Variants in PSG3 observed in about 807,000 individuals in gnomAD.
PSG3 encodes pregnancy-specific beta-1-glycoprotein 3.
A neutral mutation model predicts 47.5 loss-of-function variants in PSG3; 61 were observed. That is an observed-to-expected ratio of 1.28 (90% CI 1.05 to 1.59). The LOEUF (loss-of-function observed/expected upper bound fraction) is 1.59, where lower values mean the gene tolerates loss of function less well. PSG3 is among the 40% of genes most tolerant of loss of function. The probability of loss-of-function intolerance (pLI) is 0.00; values close to 1 mark genes in which losing one functional copy is unlikely to be tolerated. For missense variants in PSG3, 756 were observed against 524.0 expected, an observed-to-expected ratio of 1.44 and a Z score of -4.32; for synonymous variants, 263 against 198.4, an observed-to-expected ratio of 1.33 and a Z score of -2.74.
intron 3 of PSG3, among the ~76,000 whole-genome samples, chr19:42,730,912 G>A (rs547444912): frequency 1.3e-5 from 2 of 152,234 alleles, no homozygotes; most frequent in Non-Finnish European, 2.9e-5. Flanking sequence ...GGAATGAACT[G>A]CTGGAAATCT....
At chr19:42,739,822 CTT>C (rs1172051396) in intron 1 of PSG3, among the ~76,000 whole-genome samples, 4 of 152,330 alleles carry the variant, frequency 2.6e-5, no homozygotes, top group East Asian at 3.9e-4. Context: ...AAACAGAACA[CTT>C]AAGATTTTCC....
intron 1 of PSG3, chr19:42,739,318 G>A (rs1969627066): frequency 1.3e-6 from 1 of 761,778 alleles, no homozygotes; most frequent in African/African-American, 1.8e-5. Context: ...CAACACTTCT[G>A]ACCTTGGCAT....
intron 2 of PSG3, among the ~76,000 whole-genome samples, chr19:42,736,966 G>C (rs1434965509): frequency 6.6e-6 from 1 of 152,102 alleles, no homozygotes; most frequent in East Asian, 1.9e-4. Context: ...AAGACCTAGG[G>C]GTGGGGGAAG....
Position 42,740,473 on chromosome 19 carries a change from C to T in PSG3, c.-89G>A, listed in dbSNP as rs190199145. On this transcript the variant is annotated 5_prime_UTR_variant, in exon 1 of 7. Transcript: ENST00000327495. ...CATGGCTCTCAGCTGTGCTGTCCTT[C>T]CTCCTTCTGCGCTGAGCCTCTTCCC... is the stretch of plus-strand genomic sequence containing the variant. 7 of 1,609,624 alleles carry T rather than the reference C, an allele frequency of 4.3e-6. No homozygotes were observed. The Admixed American group carries it at 1.2e-4, about 27-fold the overall frequency.
chr19:42,732,931 G>C lies in PSG3; in HGVS notation c.562C>G (p.Pro188Ala). ...YLWWMNGQSL[P>A]MTHSLQLSKN... ...GACAACTGCAAGCTGTGAGTCATAG[G>C]GAGGCTCTGACCATTCATCCACCAC... The change falls in exon 3 of 7, where the codon CCT becomes GCT. Residue 188 changes from proline (P) to alanine (A), a missense_variant. Coordinates refer to ENST00000327495, the MANE Select transcript of PSG3 (RefSeq NM_021016.4). 1 of 1,614,086 alleles carries C rather than the reference G, an allele frequency of 6.2e-7. No homozygotes were observed. Among genetic ancestry groups the C allele is most frequent in the South Asian group, 1.1e-5 (1 of 91,066 alleles).
At chr19:42,735,845 G>A (rs1280089216) in intron 2 of PSG3, among the ~76,000 whole-genome samples, 1 of 152,190 alleles carries the variant, frequency 6.6e-6, no homozygotes, top group Non-Finnish European at 1.5e-5. Flanking sequence ...TGAAATGGGT[G>A]AAATGAGCCC....
intron 1 of PSG3, among the ~76,000 whole-genome samples, chr19:42,739,752 T>C (rs963934239): frequency 7.2e-5 from 11 of 152,210 alleles, no homozygotes; most frequent in African/African-American, 2.7e-4. Flanking sequence ...TGAAGTGTCA[T>C]CTGATATAGT....
At chr19:42,740,048 G>T (rs1969644716) in intron 1 of PSG3, among the ~76,000 whole-genome samples, 1 of 151,752 alleles carries the variant, frequency 6.6e-6, no homozygotes, top group Non-Finnish European at 1.5e-5. Flanking sequence ...TTCCTCCCGG[G>T]TTCACGTGAT....
intron 5 of PSG3, among the ~76,000 whole-genome samples, 193 bp downstream of exon 5, chr19:42,728,930 G>T (rs947156302): frequency 3.9e-5 from 6 of 152,182 alleles, no homozygotes; most frequent in Non-Finnish European, 8.8e-5. Context: ...CACAAGGTCA[G>T]CCATGAGAAA....
chr19:42,727,112 T>A (rs972153806), intron 5 of PSG3, among the ~76,000 whole-genome samples: 2 of 152,152 alleles, frequency 1.3e-5, no homozygotes, highest in Non-Finnish European at 2.9e-5. Flanking sequence ...TAACACCATG[T>A]ACAAAAAGTA....
chr19:42,722,839 A>G (rs896425125), intron 6 of PSG3, among the ~76,000 whole-genome samples: 1 of 152,222 alleles, frequency 6.6e-6, no homozygotes, highest in African/African-American at 2.4e-5. Flanking sequence ...CTATTACAAC[A>G]AGAGTTCTCC....
At chr19:42,725,460 T>G (rs1969361489) in intron 5 of PSG3, among the ~76,000 whole-genome samples, 1 of 152,008 alleles carries the variant, frequency 6.6e-6, no homozygotes, top group Non-Finnish European at 1.5e-5. Context: ...TAGAGGAAAT[T>G]AATGAAACCA....
intron 2 of PSG3, chr19:42,734,261 A>G (rs893577936): frequency 6.6e-6 from 1 of 152,202 alleles, no homozygotes; most frequent in African/African-American, 2.4e-5. Context: ...TTGGATTTCT[A>G]ATTTTTTTTA....
chr19:42,739,833 C>T (rs938208391), intron 1 of PSG3, among the ~76,000 whole-genome samples: 1 of 152,196 alleles, frequency 6.6e-6, no homozygotes, highest in Non-Finnish European at 1.5e-5. Context: ...TTAAGATTTT[C>T]CTACCTCTTA....
intron 4 of PSG3, among the ~76,000 whole-genome samples, 161 bp from the exon 5 acceptor site, chr19:42,729,538 G>A (rs915622692): frequency 2.6e-5 from 4 of 152,178 alleles, no homozygotes; most frequent in African/African-American, 9.7e-5. Flanking sequence ...GTATTCCCCT[G>A]TTTCTCCCAT....
At chr19:42,736,168 A>C (rs181768748) in intron 2 of PSG3, among the ~76,000 whole-genome samples, 2 of 152,360 alleles carry the variant, frequency 1.3e-5, no homozygotes, top group African/African-American at 4.8e-5. Context: ...AATTCTGCTA[A>C]AATGTTGGCA....
chr19:42,733,035 C>T lies in PSG3; in HGVS notation c.458G>A (p.Ser153Asn). 1 of 1,614,126 alleles carries T rather than the reference C, an allele frequency of 6.2e-7. No individual in the cohort carries two copies. The highest frequency in any genetic ancestry group is 8.5e-7 in the Non-Finnish European group (1 of 1,180,002). ...GTCCTCCCTGGGGTATAAGTTGCTG[C>T]TGGAGATGGAGGGCTTGGGAGTCTC... is the stretch of plus-strand genomic sequence containing the variant. The part of the protein sequence containing the change: ...YLETPKPSIS[S>N]SNLYPREDME... Residue 153 changes from serine (S) to asparagine (N), a missense_variant, in exon 3 of 7, where the codon AGC becomes AAC. Coordinates refer to ENST00000327495, the MANE Select transcript of PSG3 (RefSeq NM_021016.4).
chr19:42,724,237 A>G (rs1222873450), intron 5 of PSG3, among the ~76,000 whole-genome samples: 1 of 152,078 alleles, frequency 6.6e-6, no homozygotes, highest in Non-Finnish European at 1.5e-5. Context: ...TCCTCTGTCA[A>G]TTCTCTACTG....
chr19:42,736,102 A>G (rs1189779481), intron 2 of PSG3, among the ~76,000 whole-genome samples: 1 of 152,228 alleles, frequency 6.6e-6, no homozygotes, highest in Non-Finnish European at 1.5e-5. Context: ...TTGCCCAGGG[A>G]CTGCCTTTGT....
Sources: allele counts gnomAD v4.1 joint callset (sites outside exome capture counted in the v4.1 genomes callset), GRCh38; gene constraint gnomAD v4.1.1; transcripts MANE v1.5; gene names NCBI Gene and HGNC (gene_info 2026-07-23, HGNC 2026-07-21).